The following HAPLN3 variants were observed in gnomAD, a reference collection of about 807,000 sequenced individuals.
HAPLN3 encodes extracellular link domain containing, 1.
A neutral mutation model predicts 28.1 loss-of-function variants in HAPLN3; 28 were observed. That is an observed-to-expected ratio of 1.00 (90% CI 0.74 to 1.37). HAPLN3 has a LOEUF of 1.37. Among genes scored for constraint, HAPLN3 ranks in the 40% most tolerant of loss-of-function variants. The pLI, the probability that HAPLN3 is intolerant of heterozygous loss-of-function variation, is 0.00. For missense variants in HAPLN3, 513 were observed against 504.6 expected (o/e 1.02, Z -0.16); for synonymous variants, 211 against 213.1 (o/e 0.99, Z 0.09).
rs1290897087 is a variant in HAPLN3, at chr15:88,887,343, A to G, written c.-45T>C. On this transcript the variant is annotated splice_region_variant and 5_prime_UTR_variant, in exon 2 of 5. Transcript: ENST00000359595. ...CCGGGCCAGGCTGGGGCCCCAGGGC[A>G]AACTGGGAAGGGGAGGAAAACAAGG... 1 of 1,610,240 alleles carries G rather than the reference A, an allele frequency of 6.2e-7. No individual in the cohort carries two copies. Among genetic ancestry groups the G allele is most frequent in the East Asian group, 2.2e-5 (1 of 44,738 alleles).
At chr15:88,883,971 C>A (rs1897776595) in intron 2 of HAPLN3, among the ~76,000 whole-genome samples, 1 of 151,654 alleles carries the variant, frequency 6.6e-6, no homozygotes, top group African/African-American at 2.4e-5. Context: ...TCAGCTAACT[C>A]AGGAGGCTAA....
intron 1 of HAPLN3, among the ~76,000 whole-genome samples, chr15:88,889,984 AGAAG>A (rs1297466157): frequency 2.0e-4 from 26 of 130,454 alleles, no homozygotes; most frequent in African/African-American, 5.7e-4. Context: ...AAGGAAGGAA[AGAAG>A]GAAGGGAGGG....
intron 2 of HAPLN3, among the ~76,000 whole-genome samples, chr15:88,885,146 A>C (rs1285719516): frequency 1.3e-5 from 2 of 152,244 alleles, no homozygotes; most frequent in African/African-American, 2.4e-5. Flanking sequence ...GAAAGGTGAG[A>C]AACACCCAGC....
intron 1 of HAPLN3, among the ~76,000 whole-genome samples, chr15:88,890,319 T>C (rs1897978790): frequency 6.6e-6 from 1 of 152,188 alleles, no homozygotes; most frequent in South Asian, 2.1e-4. Context: ...GAGGAATTCA[T>C]TCCCCTGTTG....
chr15:88,887,229 A>G lies in HAPLN3; in HGVS notation c.70T>C (p.Phe24Leu), dbSNP rs1370380516. ...TCGTTGGCGCTGTTGGAGTAGTAGAAGCCGTTGTAGAAGGGCAGTCCGTAG... is the reference window on the plus strand; with the variant it reads ...TCGTTGGCGCTGTTGGAGTAGTAGAGGCCGTTGTAGAAGGGCAGTCCGTAG... ...GSYGLPFYNG[F>L]YYSNSANDQN... The change falls in exon 2 of 5, where the codon TTC becomes CTC. Residue 24 changes from phenylalanine (F) to leucine (L), a missense_variant. Coordinates refer to ENST00000359595, the MANE Select transcript of HAPLN3 (RefSeq NM_178232.4). 1 of 1,614,122 alleles carries G rather than the reference A, an allele frequency of 6.2e-7. No homozygotes were observed. Among genetic ancestry groups the G allele is most frequent in the Non-Finnish European group, 8.5e-7 (1 of 1,180,018 alleles).
chr15:88,893,404 C>G (rs8024551), intron 1 of HAPLN3, among the ~76,000 whole-genome samples: 44,535 of 150,228 alleles, frequency 0.3, 6,709 homozygotes, highest in African/African-American at 0.35. Context: ...GCCGACAGAG[C>G]AAGACTCCAG....
At chr15:88,893,667 C>T (rs1004157696) in intron 1 of HAPLN3, among the ~76,000 whole-genome samples, 3 of 151,988 alleles carry the variant, frequency 2.0e-5, no homozygotes, top group African/African-American at 7.2e-5. Context: ...GTGCCTCATG[C>T]CTGTTATCCC....
chr15:88,878,574 C>G (rs537212209), intron 4 of HAPLN3, among the ~76,000 whole-genome samples: 17 of 152,206 alleles, frequency 1.1e-4, no homozygotes, highest in Non-Finnish European at 2.5e-4. Context: ...TACTATGTGT[C>G]AGACACTTTT....
chr15:88,879,454 T>C lies in HAPLN3; in HGVS notation c.494-185A>G. On this transcript the variant is annotated intron_variant, in intron 3 of 4. Transcript: ENST00000359595. The surrounding 1 kb of genome is among the most constrained non-coding windows in gnomAD (Gnocchi z 5.0). ...TGCCGCCTCTCTCCTGGGACTCAGC[T>C]GGTTCACAGCAGTACTCAGAAAACA... The C allele has an allele frequency of 6.5e-7, 1 of 1,533,896 alleles. No individual in the cohort carries two copies. The highest frequency in any genetic ancestry group is 8.7e-7 in the Non-Finnish European group (1 of 1,146,244).
intron 1 of HAPLN3, among the ~76,000 whole-genome samples, chr15:88,894,192 G>T (rs1350945627): frequency 2.6e-5 from 4 of 152,202 alleles, no homozygotes; most frequent in African/African-American, 9.6e-5. Flanking sequence ...CCTCTTCACA[G>T]TTGAGGAAAC....
chr15:88,894,130 T>G (rs1014672386), intron 1 of HAPLN3, among the ~76,000 whole-genome samples: 4 of 152,136 alleles, frequency 2.6e-5, no homozygotes, highest in Non-Finnish European at 4.4e-5. Context: ...ACCATCTCAG[T>G]GGCTCTTTCT....
At chr15:88,891,176 G>A (rs558914712) in intron 1 of HAPLN3, among the ~76,000 whole-genome samples, 1 of 152,002 alleles carries the variant, frequency 6.6e-6, no homozygotes, top group East Asian at 1.9e-4. Context: ...CACTGCACCC[G>A]GCCTGCATCT....
chr15:88,878,255 C>T lies in HAPLN3; in HGVS notation c.798G>A (p.Gly266=), dbSNP rs898907530. 1.7e-5 allele frequency: 28 copies of T among 1,609,678 alleles called. No individual in the cohort carries two copies. The highest frequency in any genetic ancestry group is 2.3e-5 in the Non-Finnish European group (27 of 1,177,248). Residue 266 remains glycine, a splice_region_variant and synonymous_variant, in exon 5 of 5, where the codon GGG becomes GGA. Coordinates refer to ENST00000359595, the MANE Select transcript of HAPLN3 (RefSeq NM_178232.4). Reference sequence around the variant, plus strand: ...CAGGGTGCTCCAGGTAGTACACCCGCCCTGGGGGAAAGGGGGCGTGAGTGC... The same window carrying T: ...CAGGGTGCTCCAGGTAGTACACCCGTCCTGGGGGAAAGGGGGCGTGAGTGC... The part of the protein sequence containing the change: ...DVFCFATALK[G]RVYYLEHPEK...
chr15:88,880,773 G>C lies in HAPLN3; in HGVS notation c.493+584C>G, dbSNP rs1166338632. 1.3e-5 allele frequency among the ~76,000 whole-genome samples: 2 copies of C among 152,000 alleles called. No individual in the cohort carries two copies. Among genetic ancestry groups the C allele is most frequent in the African/African-American group, 4.8e-5 (2 of 41,382 alleles). On this transcript the variant is annotated intron_variant, in intron 3 of 4. Transcript: ENST00000359595. The surrounding 1 kb of genome is among the most constrained non-coding windows in gnomAD (Gnocchi z 6.0). ...TGTTTTGTTTTGTTTTTAAAAAGGA[G>C]GTTTTTACATAAAAATCAGGAGATC...
At position 88,881,026 on chromosome 15, in the gene HAPLN3, T is replaced by C. The variant is rs924493292; in HGVS notation, c.493+331A>G. On this transcript the variant is annotated intron_variant, in intron 3 of 4. Coordinates refer to ENST00000359595, the MANE Select transcript of HAPLN3 (RefSeq NM_178232.4). This position sits in a 1 kb window ranked among gnomAD's most constrained non-coding sequence, Gnocchi z 6.0. ...GCTTAAATCTCAGCTCTGTCTCTAA[T>C]AAGCTGTGGGACCAGCTCTGGTTTT... 1.1e-5 allele frequency: 4 copies of C among 361,050 alleles called. No individual in the cohort carries two copies. Among genetic ancestry groups the C allele is most frequent in the Admixed American group, 4.6e-5 (1 of 21,912 alleles). The allele number at this position is 361,050 out of a possible 1,614,324, so 22.4% of individuals were successfully genotyped here.
intron 1 of HAPLN3, among the ~76,000 whole-genome samples, chr15:88,889,590 C>T (rs1161241122): frequency 6.6e-6 from 1 of 152,204 alleles, no homozygotes; most frequent in African/African-American, 2.4e-5. Context: ...CCCACCTCGG[C>T]CTCCCAAAGT....
Position 88,879,054 on chromosome 15 carries a change from C to T in HAPLN3, c.709G>A (p.Gly237Ser). The stretch of plus-strand genomic sequence containing the variant: ...TAGCTTCGCACGCCAGGTGCCAGGC[C>T]CGGGCCACCGCAGGGCTGCCGGGGC... Reference protein sequence around the residue: ...MLPRQPCGGPGLAPGVRSYGP... With the variant: ...MLPRQPCGGPSLAPGVRSYGP... Residue 237 changes from glycine to serine, a missense_variant, in exon 4 of 5, where the codon GGC becomes AGC. Physicochemically the swap from Gly to Ser is moderately conservative, Grantham distance 56. Transcript: ENST00000359595. This position sits in a 1 kb window ranked among gnomAD's most constrained non-coding sequence, Gnocchi z 5.0. The T allele has an allele frequency of 6.2e-7, 1 of 1,606,582 alleles. No individual in the cohort carries two copies. Among genetic ancestry groups the T allele is most frequent in the Non-Finnish European group, 8.5e-7 (1 of 1,176,944 alleles).
At chr15:88,892,636 G>C (rs944277813) in intron 1 of HAPLN3, among the ~76,000 whole-genome samples, 2 of 152,106 alleles carry the variant, frequency 1.3e-5, no homozygotes, top group African/African-American at 4.8e-5. Flanking sequence ...CCACCTGCTA[G>C]CTGGGTGACC....
Position 88,879,751 on chromosome 15 carries a change from T to G in HAPLN3, c.494-482A>C, listed in dbSNP as rs1214794034. On this transcript the variant is annotated intron_variant, in intron 3 of 4. Transcript: ENST00000359595. The surrounding 1 kb of genome is among the most constrained non-coding windows in gnomAD (Gnocchi z 5.0). Reference sequence around the variant, plus strand: ...TGATTTTCAGGAGAAGGAGAGGCCCTAGAGGCCGTGGGGAGAGGGTTGGGG... The same window carrying G: ...TGATTTTCAGGAGAAGGAGAGGCCCGAGAGGCCGTGGGGAGAGGGTTGGGG... 1.5e-5 allele frequency: 18 copies of G among 1,167,084 alleles called. No individual in the cohort carries two copies. Among genetic ancestry groups the G allele is most frequent in the Non-Finnish European group, 1.8e-5 (17 of 931,596 alleles). 72.3% of individuals were successfully genotyped at this position (1,167,084 alleles called of 1,614,324 possible).
Sources: allele counts gnomAD v4.1 joint callset (sites outside exome capture counted in the v4.1 genomes callset), GRCh38; gene constraint gnomAD v4.1.1; non-coding constraint Gnocchi (gnomAD v3.1); transcripts MANE v1.5; gene names NCBI Gene and HGNC (gene_info 2026-07-23, HGNC 2026-07-21).